Variants in GALNT17 observed in about 807,000 individuals in gnomAD.
GALNT17 encodes polypeptide N-acetylgalactosaminyltransferase 17.
Under a neutral mutation model 63.7 loss-of-function variants are expected in GALNT17, and 29 were observed. The observed-to-expected ratio is 0.46, with a 90% confidence interval of 0.34 to 0.62. GALNT17 has a LOEUF of 0.62. Ranked by LOEUF, GALNT17 falls within the 20% of genes least tolerant of loss-of-function variation. GALNT17 has a pLI of 0.01. For missense variants in GALNT17, 603 were observed against 799.6 expected (o/e 0.75, Z 2.97); for synonymous variants, 305 against 318.3 (o/e 0.96, Z 0.45).
intron 5 of GALNT17, among the ~76,000 whole-genome samples, chr7:71,520,194 C>T (rs1196032476): frequency 3.3e-5 from 5 of 152,094 alleles, no homozygotes; most frequent in South Asian, 2.1e-4. Flanking sequence ...TCTGATCTTT[C>T]GTGGGCTCTC....
At chr7:71,152,731 C>G (rs1479422963) in intron 1 of GALNT17, among the ~76,000 whole-genome samples, 1 of 152,016 alleles carries the variant, frequency 6.6e-6, no homozygotes, top group Non-Finnish European at 1.5e-5. Flanking sequence ...CTCCCAGGTT[C>G]AAGTGATTCT....
intron 1 of GALNT17, among the ~76,000 whole-genome samples, chr7:71,242,309 G>A (rs1452224301): frequency 6.3e-5 from 8 of 127,382 alleles, no homozygotes; most frequent in African/African-American, 9.0e-5. Context: ...TCACTCTGTC[G>A]CCCAGGCTGG....
At chr7:71,583,048 G>A (rs1789659903) in intron 6 of GALNT17, among the ~76,000 whole-genome samples, 1 of 151,984 alleles carries the variant, frequency 6.6e-6, no homozygotes, top group African/African-American at 2.4e-5. Context: ...AAATAATTTT[G>A]GGGAAAATTA....
chr7:71,577,989 C>A (rs914147448), intron 6 of GALNT17, among the ~76,000 whole-genome samples: 1 of 151,014 alleles, frequency 6.6e-6, no homozygotes, highest in Admixed American at 6.6e-5. Flanking sequence ...CTTGCTCCTT[C>A]GGAGGGGTTG....
intron 1 of GALNT17, among the ~76,000 whole-genome samples, chr7:71,201,752 C>A (rs1416655611): frequency 6.6e-6 from 1 of 151,992 alleles, no homozygotes. Flanking sequence ...CTCCCTCACC[C>A]TTCCGAGTCG....
At chr7:71,295,501 T>C (rs1791061801) in intron 1 of GALNT17, among the ~76,000 whole-genome samples, 3 of 151,892 alleles carry the variant, frequency 2.0e-5, no homozygotes, top group South Asian at 4.1e-4. Context: ...TCTCTTTCTT[T>C]TTTCCTTTCT....
intron 3 of GALNT17, among the ~76,000 whole-genome samples, chr7:71,406,462 T>C (rs1563069421): frequency 6.6e-6 from 1 of 152,074 alleles, no homozygotes; most frequent in Non-Finnish European, 1.5e-5. Flanking sequence ...ATTGTGTAAA[T>C]TTCAGGTCCC....
At chr7:71,487,763 G>C (rs1258100969) in intron 5 of GALNT17, among the ~76,000 whole-genome samples, 1 of 152,158 alleles carries the variant, frequency 6.6e-6, no homozygotes, top group Non-Finnish European at 1.5e-5. Flanking sequence ...CAACCTAATA[G>C]TAGTGATAAC....
At chr7:71,231,337 C>CA (rs1789784470) in intron 1 of GALNT17, among the ~76,000 whole-genome samples, 1 of 151,766 alleles carries the variant, frequency 6.6e-6, no homozygotes, top group African/African-American at 2.4e-5. Flanking sequence ...GGTTTTCCCC[C>CA]AGATATTTGG....
At chr7:71,237,670 G>T (rs185775355) in intron 1 of GALNT17, among the ~76,000 whole-genome samples, 1 of 152,270 alleles carries the variant, frequency 6.6e-6, no homozygotes, top group Admixed American at 6.5e-5. Flanking sequence ...GGGTGACAGA[G>T]TGATACCCTT....
chr7:71,629,969 C>T (rs201189378), intron 6 of GALNT17, among the ~76,000 whole-genome samples: 1 of 145,350 alleles, frequency 6.9e-6, no homozygotes, highest in African/African-American at 2.6e-5. Flanking sequence ...GCTGATAAAC[C>T]CTCCTCATGT....
intron 5 of GALNT17, among the ~76,000 whole-genome samples, chr7:71,544,730 T>A (rs1003129963): frequency 1.3e-5 from 2 of 152,102 alleles, no homozygotes; most frequent in African/African-American, 2.4e-5. Flanking sequence ...TGAATATCCA[T>A]CAAGAAGGGA....
intron 5 of GALNT17, among the ~76,000 whole-genome samples, chr7:71,536,232 C>T (rs1788800112): frequency 6.6e-6 from 1 of 152,144 alleles, no homozygotes; most frequent in Admixed American, 6.5e-5. Flanking sequence ...TGATGATGCC[C>T]CTGCCTTTGG....
intron 6 of GALNT17, among the ~76,000 whole-genome samples, chr7:71,600,100 T>C (rs1162350583): frequency 2.6e-4 from 39 of 151,850 alleles, no homozygotes; most frequent in Admixed American, 2.6e-3. Flanking sequence ...GCCCCCCACC[T>C]CAAGGAGATA....
At chr7:71,313,264 T>G (rs1791442465) in intron 1 of GALNT17, among the ~76,000 whole-genome samples, 1 of 152,154 alleles carries the variant, frequency 6.6e-6, no homozygotes, top group Non-Finnish European at 1.5e-5. Flanking sequence ...ATTGCAAAAA[T>G]TATTCTCAGC....
At chr7:71,151,561 C>T (rs1788132893) in intron 1 of GALNT17, among the ~76,000 whole-genome samples, 1 of 149,994 alleles carries the variant, frequency 6.7e-6, no homozygotes, top group Admixed American at 6.7e-5. Context: ...GCAGAGCTTG[C>T]AGTGAGCCGA....
chr7:71,572,212 A>G (rs369463045), intron 6 of GALNT17, among the ~76,000 whole-genome samples: 15 of 150,596 alleles, frequency 1.0e-4, no homozygotes, highest in African/African-American at 2.7e-4. Context: ...CGCTGTCTCT[A>G]TGAAAAATAA....
At chr7:71,625,028 A>C (rs1030782875) in intron 6 of GALNT17, among the ~76,000 whole-genome samples, 1 of 152,182 alleles carries the variant, frequency 6.6e-6, no homozygotes, top group Non-Finnish European at 1.5e-5. Context: ...AATCATTTTG[A>C]CCTGGTAGAG....
At chr7:71,221,779 C>G (rs985181579) in intron 1 of GALNT17, among the ~76,000 whole-genome samples, 2 of 152,090 alleles carry the variant, frequency 1.3e-5, no homozygotes, top group Non-Finnish European at 2.9e-5. Context: ...TTTAGACTTG[C>G]AGGAAAGTTG....
Sources: gnomAD v4.1 joint callset for allele counts (sites outside exome capture counted in the v4.1 genomes callset) on GRCh38, gnomAD v4.1.1 for gene constraint, MANE v1.5 for transcripts, NCBI Gene and HGNC (gene_info 2026-07-23, HGNC 2026-07-21) for gene names.